Variants in CRTC1 observed in about 807,000 individuals in gnomAD.
The protein encoded by CRTC1 is CREB-regulated transcription coactivator 1.
Under a neutral mutation model 66.1 loss-of-function variants are expected in CRTC1, and 18 were observed. That is an observed-to-expected ratio of 0.27 (90% CI 0.19 to 0.40). CRTC1 has a LOEUF of 0.40. Among genes scored for constraint, CRTC1 ranks in the 10% least tolerant of loss-of-function variants. The pLI, the probability that CRTC1 is intolerant of heterozygous loss-of-function variation, is 1.00. For missense variants in CRTC1, 669 were observed against 887.9 expected (o/e 0.75, Z 3.13); for synonymous variants, 416 against 398.8 (o/e 1.04, Z -0.51).
At chr19:18,687,275 C>G (rs534220804) in intron 1 of CRTC1, among the ~76,000 whole-genome samples, 2 of 152,100 alleles carry the variant, frequency 1.3e-5, no homozygotes, top group South Asian at 2.1e-4. Context: ...CCGGCCACCT[C>G]GGCCTCCCAA....
At chr19:18,685,399 T>G (rs914362388) in intron 1 of CRTC1, among the ~76,000 whole-genome samples, 4 of 152,054 alleles carry the variant, frequency 2.6e-5, no homozygotes, top group Non-Finnish European at 5.9e-5. Context: ...GGCTCATGCC[T>G]GTAATCCCAG....
At position 18,741,806 on chromosome 19, in the gene CRTC1, T is replaced by C. The variant is rs191739790; in HGVS notation, c.127-1104T>C. Among the ~76,000 whole-genome samples, 539 of 152,330 alleles carry C rather than the reference T, an allele frequency of 3.5e-3. 2 individuals carry two copies. Among genetic ancestry groups the C allele is most frequent in the Middle Eastern group, 0.01 (3 of 294 alleles). On this transcript the variant is annotated intron_variant, in intron 1 of 13. Transcript: ENST00000321949. This position sits in a 1 kb window ranked among gnomAD's most constrained non-coding sequence, Gnocchi z 4.2. ...AGCTCACAGGAAACAGCTGTTTACC[T>C]GGGCGAGGTGCTCAGCCGGGCAGGT...
In CRTC1 at chr19:18,768,473, CCT is replaced by C. The variant is rs767217773; in HGVS notation, c.1012-8_1012-7del. On this transcript the variant is annotated splice_polypyrimidine_tract_variant and intron_variant, in intron 9 of 13. Coordinates refer to ENST00000321949, the MANE Select transcript of CRTC1 (RefSeq NM_015321.3). This position sits in a 1 kb window ranked among gnomAD's most constrained non-coding sequence, Gnocchi z 5.6. Reference sequence around the variant, plus strand: ...CAGGGCCCGCCCTGCCTGACGCTCTCCTCTCCTGCAGGCTGTAGCCATGGACG... The same window carrying C: ...CAGGGCCCGCCCTGCCTGACGCTCTCCTCCTGCAGGCTGTAGCCATGGACG... 9 of 1,606,904 alleles carry C rather than the reference CCT, an allele frequency of 5.6e-6. No homozygotes were observed. Among genetic ancestry groups the C allele is most frequent in the Non-Finnish European group, 5.1e-6 (6 of 1,178,500 alleles).
At chr19:18,709,907 G>A (rs2053350726) in intron 1 of CRTC1, among the ~76,000 whole-genome samples, 1 of 152,188 alleles carries the variant, frequency 6.6e-6, no homozygotes, top group Non-Finnish European at 1.5e-5. Flanking sequence ...CTTTGCCACA[G>A]GGAGGACAGC....
rs1555782703 is a variant in CRTC1 at position 18,737,739 on chromosome 19, G to GCTCCTCCTCCTCCTCCTGCTCCTCCTC, written c.127-5154_127-5153insGCTCCTCCTCCTCCTCCTCCTCCTCCT. 9.3e-5 allele frequency among the ~76,000 whole-genome samples: 14 copies of GCTCCTCCTCCTCCTCCTGCTCCTCCTC among 149,844 alleles called. 1 individual carries two copies. Among genetic ancestry groups the GCTCCTCCTCCTCCTCCTGCTCCTCCTC allele is most frequent in the South Asian group, 8.6e-4 (4 of 4,678 alleles). On this transcript the variant is annotated intron_variant, in intron 1 of 13. Coordinates refer to ENST00000321949, the MANE Select transcript of CRTC1 (RefSeq NM_015321.3). ...ACCAAGCTGCCGCCCTCCTGCTGCT[G>GCTCCTCCTCCTCCTCCTGCTCCTCCTC]CTCCTCCTCCTCCTCCTCCTCCTCC...
chr19:18,690,994 C>T (rs979682871), intron 1 of CRTC1, among the ~76,000 whole-genome samples: 7 of 141,496 alleles, frequency 4.9e-5, no homozygotes, highest in Non-Finnish European at 3.0e-5. Context: ...CCACTACGCT[C>T]GAGCATGGAT....
Position 18,777,547 on chromosome 19 carries a change from G to A in CRTC1, c.*165G>A, listed in dbSNP as rs934824455. On this transcript the variant is annotated 3_prime_UTR_variant, in exon 14 of 14. Transcript: ENST00000321949. The surrounding 1 kb of genome is among the most constrained non-coding windows in gnomAD (Gnocchi z 5.5). ...CCCCCGGTTGTCCACCTCCCGCGAA[G>A]CCCAATCGCGAGGCCGCGAGCCGGG... The A allele has an allele frequency of 9.3e-6, 6 of 647,138 alleles. No individual in the cohort carries two copies. The African/African-American group carries it at 9.5e-5, about 10-fold the overall frequency. The allele number at this position is 647,138 out of a possible 1,614,324, so 40.1% of individuals were successfully genotyped here. A position where few individuals can be genotyped will look rare whatever the true frequency, so the allele number is the denominator to read the frequency against.
At chr19:18,702,340 C>T (rs776536466) in intron 1 of CRTC1, among the ~76,000 whole-genome samples, 4 of 151,948 alleles carry the variant, frequency 2.6e-5, no homozygotes, top group Non-Finnish European at 4.4e-5. Context: ...CTGCCTCAGC[C>T]GCCTGAGTAG....
Position 18,731,492 on chromosome 19 carries a change from C to T in CRTC1, c.127-11418C>T, listed in dbSNP as rs370207470. Among the ~76,000 whole-genome samples, 21 of 152,314 alleles carry T rather than the reference C, an allele frequency of 1.4e-4. No homozygotes were observed. In the East Asian group the frequency reaches 2.9e-3, roughly 21 times the overall value. ...CCAGGATGATCTCATTTCAAGATCC[C>T]GCACTAATTACATCTGCAGAAACTC... On this transcript the variant is annotated intron_variant, in intron 1 of 13. Transcript: ENST00000321949.
intron 13 of CRTC1, among the ~76,000 whole-genome samples, chr19:18,776,030 C>T (rs2054981767): frequency 6.6e-6 from 1 of 151,744 alleles, no homozygotes; most frequent in Non-Finnish European, 1.5e-5. Flanking sequence ...GGAGATGCCT[C>T]TGGACCAGAC....
intron 1 of CRTC1, among the ~76,000 whole-genome samples, chr19:18,732,537 G>A (rs2053913229): frequency 6.6e-6 from 1 of 152,220 alleles, no homozygotes; most frequent in African/African-American, 2.4e-5. Context: ...TGGCAGCCTG[G>A]GCTGCTAAGA....
intron 1 of CRTC1, among the ~76,000 whole-genome samples, chr19:18,733,690 C>G (rs1161279558): frequency 6.6e-6 from 1 of 152,244 alleles, no homozygotes; most frequent in Non-Finnish European, 1.5e-5. Context: ...CTCTTCTCAT[C>G]AGGTCCTCAG....
intron 8 of CRTC1, among the ~76,000 whole-genome samples, chr19:18,762,102 CG>C (rs2054627198): frequency 1.3e-5 from 2 of 152,222 alleles, no homozygotes; most frequent in Non-Finnish European, 2.9e-5. Flanking sequence ...ACCCCTGCCC[CG>C]CATAGAAGCC....
chr19:18,708,452 T>C (rs1328358110), intron 1 of CRTC1, among the ~76,000 whole-genome samples: 2 of 152,068 alleles, frequency 1.3e-5, no homozygotes, highest in African/African-American at 2.4e-5. Context: ...CTGGCTTCTG[T>C]ATCAGCATCA....
In CRTC1 at chr19:18,771,686, G is replaced by A. The variant is rs139529311; in HGVS notation, c.1425+140G>A. The stretch of plus-strand genomic sequence containing the variant: ...TGCATCCCATCCCGTCCACGCCATC[G>A]GACCTGAGCTGTGCACCTACCAGGC... On this transcript the variant is annotated intron_variant, in intron 11 of 13. Coordinates refer to ENST00000321949, the MANE Select transcript of CRTC1 (RefSeq NM_015321.3). The surrounding 1 kb of genome is among the most constrained non-coding windows in gnomAD (Gnocchi z 4.6). The A allele has an allele frequency of 2.1e-4, 149 of 701,124 alleles. No individual in the cohort carries two copies. The highest frequency in any genetic ancestry group is 1.6e-3 in the African/African-American group (90 of 56,356). 43.4% of individuals were successfully genotyped at this position (701,124 alleles called of 1,614,324 possible).
At position 18,767,031 on chromosome 19, in the gene CRTC1, A is replaced by G. The variant is rs184485957; in HGVS notation, c.1012-1454A>G. 3.2e-4 allele frequency among the ~76,000 whole-genome samples: 49 copies of G among 152,136 alleles called. 1 individual carries two copies. The South Asian group carries it at 7.3e-3, about 23-fold the overall frequency. ...GCTCAAATGTGTTGGGAAGTTTCCA[A>G]TCTCATCTCCTTCTTATAAGGCTAT... On this transcript the variant is annotated intron_variant, in intron 9 of 13. Coordinates refer to ENST00000321949, the MANE Select transcript of CRTC1 (RefSeq NM_015321.3).
chr19:18,768,797 A>G lies in CRTC1; in HGVS notation c.1320+4A>G. 1 of 1,594,298 alleles carries G rather than the reference A, an allele frequency of 6.3e-7. No homozygotes were observed. Reference sequence around the variant, plus strand: ...GATGGGGATCGACATCGCCTCGGTAAGCCCAGGGTGGGGTCCCTCGGGGCC... The same window carrying G: ...GATGGGGATCGACATCGCCTCGGTAGGCCCAGGGTGGGGTCCCTCGGGGCC... On this transcript the variant is annotated splice_donor_region_variant and intron_variant, in intron 10 of 13. Transcript: ENST00000321949. The surrounding 1 kb of genome is among the most constrained non-coding windows in gnomAD (Gnocchi z 5.6).
At chr19:18,753,436 A>G in intron 5 of CRTC1, 64 bp from the exon 6 acceptor site, 2 of 1,202,074 alleles carry the variant, frequency 1.7e-6, no homozygotes, top group Non-Finnish European at 2.5e-6. Context: ...TCCTCCTGGT[A>G]CCACCATGCG....
chr19:18,693,109 G>A (rs185154821), intron 1 of CRTC1, among the ~76,000 whole-genome samples: 104 of 144,454 alleles, frequency 7.2e-4, no homozygotes, highest in South Asian at 3.5e-3. Context: ...TTCATTTTTC[G>A]GCCGGGTATG....
Sources: gnomAD v4.1 joint callset for allele counts (sites outside exome capture counted in the v4.1 genomes callset) on GRCh38, gnomAD v4.1.1 for gene constraint, Gnocchi (gnomAD v3.1) non-coding constraint, MANE v1.5 for transcripts, NCBI Gene and HGNC (gene_info 2026-07-23, HGNC 2026-07-21) for gene names.